The following FOXP1 variants were observed in gnomAD, a reference collection of about 807,000 sequenced individuals.
The protein encoded by FOXP1 is forkhead box P1, also known as forkhead box protein P1.
FOXP1 carries 15 observed loss-of-function variants against 98.2 expected under a neutral mutation model. The ratio of observed to expected loss-of-function variants is 0.15; its 90% CI spans 0.10 to 0.24. The LOEUF (loss-of-function observed/expected upper bound fraction) is 0.24. FOXP1 is among the 10% of genes least tolerant of loss of function. FOXP1 has a pLI of 1.00. For synonymous variants in FOXP1, 371 were observed against 314.5 expected (o/e 1.18, Z -1.90); for missense variants, 633 against 848.5 (o/e 0.75, Z 3.15).
At chr3:70,992,593 G>C (rs1016694514) in intron 13 of FOXP1, among the ~76,000 whole-genome samples, 1 of 152,106 alleles carries the variant, frequency 6.6e-6, no homozygotes, top group African/African-American at 2.4e-5. Context: ...ACCGCATTCA[G>C]GTGGTGGGCA....
intron 7 of FOXP1, among the ~76,000 whole-genome samples, chr3:71,088,380 G>A (rs2055375244): frequency 6.7e-6 from 1 of 149,458 alleles, no homozygotes; most frequent in Non-Finnish European, 1.5e-5. Flanking sequence ...AACATGTGGT[G>A]ATACATTGTT....
At chr3:71,306,539 G>A (rs576584269) in intron 4 of FOXP1, among the ~76,000 whole-genome samples, 17 of 141,910 alleles carry the variant, frequency 1.2e-4, no homozygotes, top group Non-Finnish European at 2.0e-4. Flanking sequence ...CATATAAAGT[G>A]TACATATAAA....
intron 12 of FOXP1, among the ~76,000 whole-genome samples, chr3:71,005,333 A>AAAAAAC (rs2042649363): frequency 6.7e-6 from 1 of 149,592 alleles, no homozygotes; most frequent in Admixed American, 6.7e-5. Context: ...AAAAAAAAAA[A>AAAAAAC]AAAAAAAACC....
At chr3:71,160,164 T>C (rs77116249) in intron 6 of FOXP1, among the ~76,000 whole-genome samples, 3,078 of 152,322 alleles carry the variant, frequency 0.02, 116 homozygotes, top group African/African-American at 0.071. Flanking sequence ...TGGTTTTCAA[T>C]TGACACTGCC....
At chr3:71,033,799 C>A (rs1357997065) in intron 11 of FOXP1, among the ~76,000 whole-genome samples, 1 of 152,084 alleles carries the variant, frequency 6.6e-6, no homozygotes, top group Non-Finnish European at 1.5e-5. Flanking sequence ...AGCAATCAGA[C>A]ACATCACAGT....
At chr3:71,530,731 G>A (rs1248598733) in intron 2 of FOXP1, among the ~76,000 whole-genome samples, 1 of 152,192 alleles carries the variant, frequency 6.6e-6, no homozygotes, top group Non-Finnish European at 1.5e-5. Flanking sequence ...AGGTAGGTGT[G>A]ATTGTTCCAG....
chr3:71,498,077 C>T (rs530132968), intron 2 of FOXP1, among the ~76,000 whole-genome samples: 54 of 152,242 alleles, frequency 3.5e-4, no homozygotes, highest in Non-Finnish European at 6.9e-4. Flanking sequence ...TCCTTTCCAA[C>T]GCTTTCCAAG....
intron 2 of FOXP1, among the ~76,000 whole-genome samples, chr3:71,552,751 G>A (rs893843528): frequency 1.3e-5 from 2 of 151,912 alleles, no homozygotes; most frequent in African/African-American, 2.4e-5. Flanking sequence ...AAGTATTTGC[G>A]TAGTTACTTA....
intron 3 of FOXP1, among the ~76,000 whole-genome samples, chr3:71,379,951 T>G (rs2080015873): frequency 6.6e-6 from 1 of 152,244 alleles, no homozygotes; most frequent in Admixed American, 6.5e-5. Context: ...AGCCTTCCTC[T>G]AGATAGACTA....
chr3:71,206,175 C>G (rs533756202), intron 5 of FOXP1, among the ~76,000 whole-genome samples: 2 of 152,298 alleles, frequency 1.3e-5, no homozygotes, highest in African/African-American at 4.8e-5. Flanking sequence ...TTAAATGACA[C>G]AAAATTCCAA....
At chr3:71,196,271 G>A (rs2063294805) in intron 6 of FOXP1, among the ~76,000 whole-genome samples, 1 of 152,194 alleles carries the variant, frequency 6.6e-6, no homozygotes, top group Non-Finnish European at 1.5e-5. Context: ...AGGAAGATGT[G>A]GATAAATATG....
At chr3:71,583,365 G>T (rs1161039403) in intron 1 of FOXP1, 1 of 775,872 alleles carries the variant, frequency 1.3e-6, no homozygotes, top group African/African-American at 1.9e-5. Flanking sequence ...ACCCGGGGGG[G>T]AGAGGAAGAG....
At chr3:71,147,470 C>T (rs2060365199) in intron 6 of FOXP1, among the ~76,000 whole-genome samples, 1 of 152,178 alleles carries the variant, frequency 6.6e-6, no homozygotes, top group Non-Finnish European at 1.5e-5. Flanking sequence ...TATCTCAACA[C>T]AGCTGGAACC....
At chr3:71,351,248 A>G (rs1437011333) in intron 4 of FOXP1, among the ~76,000 whole-genome samples, 4 of 152,056 alleles carry the variant, frequency 2.6e-5, no homozygotes, top group African/African-American at 9.7e-5. Flanking sequence ...ATTTCCCTGG[A>G]GCTAGTTCCA....
chr3:71,188,421 T>G, intron 6 of FOXP1, among the ~76,000 whole-genome samples: 1 of 148,988 alleles, frequency 6.7e-6, no homozygotes, highest in Non-Finnish European at 1.5e-5. Context: ...TTTTTTTCCT[T>G]TTTTTTTTTT....
rs201879048 is a variant in FOXP1, at chr3:70,967,705, T to G, written c.1723-1649A>C. Among the ~76,000 whole-genome samples the G allele has an allele frequency of 2.4e-3, 249 of 102,298 alleles. 5 individuals carry two copies. Among genetic ancestry groups the G allele is most frequent in the Middle Eastern group, 0.016 (3 of 188 alleles). 67.1% of individuals were successfully genotyped at this position (102,298 alleles called of 152,430 possible). Reference sequence around the variant, plus strand: ...ATTATTTGTTTTTTTTTTTTGTTTTTTTTTGTTTTTTTTTTTTTTTTTTGC... The same window carrying G: ...ATTATTTGTTTTTTTTTTTTGTTTTGTTTTGTTTTTTTTTTTTTTTTTTGC... On this transcript the variant is annotated intron_variant, in intron 19 of 20. Coordinates refer to ENST00000649528, the MANE Select transcript of FOXP1 (RefSeq NM_001349338.3).
chr3:71,001,192 T>A, intron 12 of FOXP1, 133 bp from the exon 13 acceptor site: 2 of 690,694 alleles, frequency 2.9e-6, no homozygotes, highest in Non-Finnish European at 5.2e-6. Flanking sequence ...GGGTGGCCTG[T>A]CCTTTCCATC....
chr3:71,276,547 T>A (rs1184838627), intron 5 of FOXP1, among the ~76,000 whole-genome samples: 1 of 152,156 alleles, frequency 6.6e-6, no homozygotes, highest in Non-Finnish European at 1.5e-5. Flanking sequence ...CACTCTCACA[T>A]CCCTTACTCT....
intron 2 of FOXP1, among the ~76,000 whole-genome samples, chr3:71,566,613 G>A (rs1052924826): frequency 6.6e-6 from 1 of 152,226 alleles, no homozygotes. Flanking sequence ...CTGTGAGGGA[G>A]AGAAGCCCAA....
Sources: allele counts gnomAD v4.1 joint callset (sites outside exome capture counted in the v4.1 genomes callset), GRCh38; gene constraint gnomAD v4.1.1; transcripts MANE v1.5; gene names NCBI Gene and HGNC (gene_info 2026-07-23, HGNC 2026-07-21).